RNFT2: variants seen among roughly 807,000 people sequenced by gnomAD.
RNFT2 encodes E3 ubiquitin-protein ligase RNFT2.
RNFT2 carries 36 observed loss-of-function variants against 53.0 expected under a neutral mutation model. The observed-to-expected ratio is 0.68, with a 90% CI of 0.52 to 0.90. RNFT2 has a LOEUF of 0.90. RNFT2 is among the 40% of genes least tolerant of loss of function. RNFT2 has a pLI of 0.00. For synonymous variants in RNFT2, 260 were observed against 253.2 expected, an observed-to-expected ratio of 1.03 and a Z score of -0.26; for missense variants, 514 against 585.6, an observed-to-expected ratio of 0.88 and a Z score of 1.26.
At chr12:116,802,280 T>C (rs1198817466) in intron 7 of RNFT2, among the ~76,000 whole-genome samples, 1 of 152,248 alleles carries the variant, frequency 6.6e-6, no homozygotes, top group Non-Finnish European at 1.5e-5. Flanking sequence ...TTCCAACTTA[T>C]TAAGCATGGG....
At chr12:116,766,665 T>C in intron 5 of RNFT2, 149 bp from the exon 6 acceptor site, 1 of 629,102 alleles carries the variant, frequency 1.6e-6, no homozygotes, top group South Asian at 2.0e-5. Flanking sequence ...ATCAGTGGAA[T>C]AGAAAGGTGC....
At chr12:116,755,692 A>G in intron 5 of RNFT2, 5 of 1,499,780 alleles carry the variant, frequency 3.3e-6, no homozygotes, top group Middle Eastern at 3.4e-4. Flanking sequence ...AGACTCTTCC[A>G]GTTTTGCCAT....
At chr12:116,810,013 A>G (rs977606278) in intron 7 of RNFT2, among the ~76,000 whole-genome samples, 1 of 152,192 alleles carries the variant, frequency 6.6e-6, no homozygotes, top group Non-Finnish European at 1.5e-5. Flanking sequence ...GAGGAAACCA[A>G]GTCCCCAAAG....
intron 7 of RNFT2, among the ~76,000 whole-genome samples, chr12:116,785,708 A>C (rs1431834346): frequency 6.6e-6 from 1 of 152,210 alleles, no homozygotes; most frequent in Non-Finnish European, 1.5e-5. Context: ...AACTGAAGTT[A>C]GCTCAATCCT....
intron 5 of RNFT2, among the ~76,000 whole-genome samples, chr12:116,763,723 G>A (rs1872787752): frequency 6.6e-6 from 1 of 150,552 alleles, no homozygotes; most frequent in African/African-American, 2.4e-5. Flanking sequence ...AACTTGCAGT[G>A]AGCCGAGATC....
chr12:116,832,147 AAATAT>A (rs1188414608), intron 7 of RNFT2, among the ~76,000 whole-genome samples: 12 of 43,260 alleles, frequency 2.8e-4, no homozygotes, highest in African/African-American at 3.5e-4. Context: ...AAAAAAAAAA[AAATAT>A]ATATATATAT....
At chr12:116,754,449 G>A (rs534224406) in intron 5 of RNFT2, among the ~76,000 whole-genome samples, 2 of 152,276 alleles carry the variant, frequency 1.3e-5, no homozygotes, top group Non-Finnish European at 2.9e-5. Context: ...ATAAACTTGC[G>A]TGTGCAAGTA....
intron 7 of RNFT2, among the ~76,000 whole-genome samples, chr12:116,794,186 GC>G (rs1460409014): frequency 6.6e-6 from 1 of 150,862 alleles, no homozygotes; most frequent in Non-Finnish European, 1.5e-5. Flanking sequence ...GATTGCTTGA[GC>G]CAAGCAGGTT....
intron 6 of RNFT2, among the ~76,000 whole-genome samples, chr12:116,770,629 C>T (rs1873130091): frequency 6.6e-6 from 1 of 152,022 alleles, no homozygotes; most frequent in South Asian, 2.1e-4. Flanking sequence ...TGTGATCACA[C>T]TCACTGAAAC....
chr12:116,761,085 T>A (rs1872676630), intron 5 of RNFT2, among the ~76,000 whole-genome samples: 1 of 152,152 alleles, frequency 6.6e-6, no homozygotes, highest in Non-Finnish European at 1.5e-5. Flanking sequence ...CAGCATCTCC[T>A]CCACGTACAC....
chr12:116,778,588 C>T (rs145260035), intron 6 of RNFT2, among the ~76,000 whole-genome samples: 132 of 152,372 alleles, frequency 8.7e-4, no homozygotes, highest in African/African-American at 2.9e-3. Context: ...CAGTGGCTTA[C>T]GCCTGTATCC....
chr12:116,795,062 ATAATAC>A (rs1302674395), intron 7 of RNFT2, among the ~76,000 whole-genome samples: 1 of 152,094 alleles, frequency 6.6e-6, no homozygotes, highest in Non-Finnish European at 1.5e-5. Context: ...TCCTACTTCT[ATAATAC>A]TAATACTAAT....
chr12:116,839,861 T>A (rs1204929752), intron 10 of RNFT2, among the ~76,000 whole-genome samples: 1 of 152,060 alleles, frequency 6.6e-6, no homozygotes, highest in Non-Finnish European at 1.5e-5. Flanking sequence ...TCACTCCCAC[T>A]CCACCCACTA....
chr12:116,754,197 A>G (rs1872389114), intron 5 of RNFT2, 137 bp downstream of exon 5: 4 of 684,148 alleles, frequency 5.8e-6, no homozygotes, highest in African/African-American at 5.3e-5. Flanking sequence ...TAACTCCCAC[A>G]TATCAGTGAG....
chr12:116,840,961 A>C (rs2137213814), intron 10 of RNFT2, among the ~76,000 whole-genome samples: 1 of 152,072 alleles, frequency 6.6e-6, no homozygotes, highest in African/African-American at 2.4e-5. Context: ...GGTAGTAGCC[A>C]CATTTTCAGT....
At chr12:116,763,722 T>C (rs563434715) in intron 5 of RNFT2, among the ~76,000 whole-genome samples, 11 of 145,414 alleles carry the variant, frequency 7.6e-5, no homozygotes, top group African/African-American at 2.8e-4. Flanking sequence ...GAACTTGCAG[T>C]GAGCCGAGAT....
At chr12:116,796,001 C>T (rs545117386) in intron 7 of RNFT2, among the ~76,000 whole-genome samples, 9 of 152,154 alleles carry the variant, frequency 5.9e-5, no homozygotes, top group South Asian at 2.1e-4. Flanking sequence ...CTCTGCCTCC[C>T]GGGTTCAAGT....
intron 7 of RNFT2, among the ~76,000 whole-genome samples, chr12:116,786,406 C>T (rs546575893): frequency 1.5e-3 from 224 of 152,194 alleles, no homozygotes; most frequent in Non-Finnish European, 2.5e-3. Context: ...CCACCGCGCC[C>T]GGCCGAGATC....
intron 10 of RNFT2, among the ~76,000 whole-genome samples, chr12:116,840,258 C>T (rs1877185138): frequency 1.3e-5 from 2 of 152,182 alleles, no homozygotes; most frequent in Admixed American, 6.5e-5. Flanking sequence ...CCTTATCTGT[C>T]CCCATCTTCA....
Sources: allele counts gnomAD v4.1 joint callset (sites outside exome capture counted in the v4.1 genomes callset), GRCh38; gene constraint gnomAD v4.1.1; transcripts MANE v1.5; gene names NCBI Gene and HGNC (gene_info 2026-07-23, HGNC 2026-07-21).